SNX10: variants seen among roughly 807,000 people sequenced by gnomAD.
The protein encoded by SNX10 is sorting nexin-10.
SNX10 carries 25 observed loss-of-function variants against 28.5 expected under a neutral mutation model. The observed-to-expected ratio is 0.88, with a 90% CI of 0.64 to 1.22. SNX10 has a LOEUF of 1.22. SNX10 is among the 50% of genes most tolerant of loss of function. The probability of loss-of-function intolerance (pLI) is 0.00; values close to 1 mark genes in which losing one functional copy is unlikely to be tolerated. For missense variants in SNX10, 223 were observed against 242.6 expected (o/e 0.92, Z 0.54); for synonymous variants, 62 against 81.4 (o/e 0.76, Z 1.28).
Position 26,305,593 on chromosome 7 carries a change from G to A in SNX10, c.-24+13507G>A, listed in dbSNP as rs190065166. ...GGGTCTCTTCATCAGCTTGTCTGCA[G>A]ATGATCAGACCCTGAGAAACTGAGC... On this transcript the variant is annotated intron_variant, in intron 1 of 6. Coordinates refer to ENST00000338523, the MANE Select transcript of SNX10 (RefSeq NM_013322.3). Among the ~76,000 whole-genome samples, 235 of 152,296 alleles carry A rather than the reference G, an allele frequency of 1.5e-3. 2 individuals carry two copies. The highest frequency in any genetic ancestry group is 5.5e-3 in the African/African-American group (229 of 41,544).
chr7:26,338,465 G>A (rs1173212748), intron 1 of SNX10, among the ~76,000 whole-genome samples: 1 of 151,554 alleles, frequency 6.6e-6, no homozygotes, highest in African/African-American at 2.4e-5. Context: ...TCGCTCTGTT[G>A]CCCAGGCCTG....
intron 2 of SNX10, among the ~76,000 whole-genome samples, chr7:26,359,139 C>T (rs2128020560): frequency 6.6e-6 from 1 of 152,136 alleles, no homozygotes; most frequent in East Asian, 1.9e-4. Context: ...TTTAAAAATA[C>T]ACAATGAAAA....
chr7:26,346,146 C>T (rs1788378494), intron 1 of SNX10, among the ~76,000 whole-genome samples: 1 of 152,200 alleles, frequency 6.6e-6, no homozygotes, highest in African/African-American at 2.4e-5. Context: ...GCTCCAGCCC[C>T]AGCCTGACTG....
intron 2 of SNX10, among the ~76,000 whole-genome samples, chr7:26,359,026 G>A (rs998296933): frequency 6.6e-6 from 1 of 151,690 alleles, no homozygotes; most frequent in African/African-American, 2.4e-5. Context: ...GGCTGGTCTC[G>A]AACACCCGAC....
chr7:26,329,412 A>T (rs556222920), intron 1 of SNX10, among the ~76,000 whole-genome samples: 1 of 152,230 alleles, frequency 6.6e-6, no homozygotes, highest in Non-Finnish European at 1.5e-5. Context: ...GACCACCCAC[A>T]TATGAAGTAG....
chr7:26,356,859 A>T (rs1394300121), intron 2 of SNX10: 1 of 184,516 alleles, frequency 5.4e-6, no homozygotes, highest in African/African-American at 2.3e-5. Context: ...CCTTAGAGGA[A>T]GGGGTTTGTT....
rs1789208988 is a variant in SNX10 at position 26,364,445 on chromosome 7, G to GT, written c.112-89dup. On this transcript the variant is annotated intron_variant, in intron 3 of 6. Transcript: ENST00000338523. This position sits in a 1 kb window ranked among gnomAD's most constrained non-coding sequence, Gnocchi z 4.9. ...TTTGGTGGTTTAAATCCTATTTAGAGTGAATGTTGAGATCATATTGTGAAT... is the reference window on the plus strand; with the variant it reads ...TTTGGTGGTTTAAATCCTATTTAGAGTTGAATGTTGAGATCATATTGTGAAT... 6.8e-7 allele frequency: 1 copy of GT among 1,464,706 alleles called. No homozygotes were observed. Among genetic ancestry groups the GT allele is most frequent in the Admixed American group, 2.5e-5 (1 of 40,410 alleles). The allele number at this position is 1,464,706 out of a possible 1,614,324, so 90.7% of individuals were successfully genotyped here.
At chr7:26,324,314 G>T (rs1351953323) in intron 1 of SNX10, among the ~76,000 whole-genome samples, 3 of 152,178 alleles carry the variant, frequency 2.0e-5, no homozygotes, top group Non-Finnish European at 4.4e-5. Context: ...ATTGTTCATT[G>T]TGGTGGTTTA....
intron 1 of SNX10, among the ~76,000 whole-genome samples, chr7:26,299,321 G>A (rs970846516): frequency 6.6e-6 from 1 of 151,976 alleles, no homozygotes; most frequent in African/African-American, 2.4e-5. Flanking sequence ...TCAGCCTCCT[G>A]AGTAGCTGGG....
At chr7:26,359,905 C>T (rs1788999052) in intron 2 of SNX10, among the ~76,000 whole-genome samples, 1 of 152,182 alleles carries the variant, frequency 6.6e-6, no homozygotes, top group South Asian at 2.1e-4. Context: ...ATCTGCCCGC[C>T]TCGGCCTCCC....
At chr7:26,363,471 G>A (rs1789164782) in intron 3 of SNX10, among the ~76,000 whole-genome samples, 1 of 152,122 alleles carries the variant, frequency 6.6e-6, no homozygotes, top group Non-Finnish European at 1.5e-5. Context: ...TTCTCATTTA[G>A]ATTAGAAAAT....
At chr7:26,294,008 A>C (rs574110653) in intron 1 of SNX10, among the ~76,000 whole-genome samples, 1 of 152,276 alleles carries the variant, frequency 6.6e-6, no homozygotes, top group East Asian at 1.9e-4. Flanking sequence ...GTTACTGGGG[A>C]AAATAACTTC....
intron 2 of SNX10, among the ~76,000 whole-genome samples, chr7:26,359,090 GC>G (rs1347369217): frequency 6.6e-6 from 1 of 152,030 alleles, no homozygotes; most frequent in Non-Finnish European, 1.5e-5. Flanking sequence ...ACAGGTGTGA[GC>G]CCTGCCTATC....
intron 1 of SNX10, among the ~76,000 whole-genome samples, chr7:26,322,338 T>C (rs1480275917): frequency 2.0e-5 from 3 of 152,062 alleles, no homozygotes; most frequent in Non-Finnish European, 1.5e-5. Context: ...CCCAAACCTA[T>C]CAGATCTACT....
chr7:26,363,479 A>G (rs1440175438), intron 3 of SNX10, among the ~76,000 whole-genome samples: 1 of 152,232 alleles, frequency 6.6e-6, no homozygotes, highest in Non-Finnish European at 1.5e-5. Context: ...TAGATTAGAA[A>G]ATCGGATTTT....
Position 26,306,123 on chromosome 7 carries a change from C to T in SNX10, c.-24+14037C>T, listed in dbSNP as rs535498312. Among the ~76,000 whole-genome samples, 10 of 151,140 alleles carry T rather than the reference C, an allele frequency of 6.6e-5. No homozygotes were observed. The South Asian group carries it at 2.1e-3, about 31-fold the overall frequency. ...TTCGCCAGGTTGGCCAGGCTGGTCTCGAACTCCTGAGCTGAAGCGATCCAC... is the reference window on the plus strand; with the variant it reads ...TTCGCCAGGTTGGCCAGGCTGGTCTTGAACTCCTGAGCTGAAGCGATCCAC... On this transcript the variant is annotated intron_variant, in intron 1 of 6. Transcript: ENST00000338523.
intron 1 of SNX10, among the ~76,000 whole-genome samples, chr7:26,321,771 A>G (rs1452757755): frequency 6.8e-6 from 1 of 147,292 alleles, no homozygotes; most frequent in Admixed American, 6.8e-5. Flanking sequence ...TTTTCACTTT[A>G]CCAGTTTTTT....
rs1786149601 is a variant in SNX10, at chr7:26,297,321, C to T, written c.-24+5235C>T. On this transcript the variant is annotated intron_variant, in intron 1 of 6. Transcript: ENST00000338523. ...GTCTTGGCCAGGCTGGTCTTGAACT[C>T]CTGACCTCGTGACCCGCCCGTCTCG... Among the ~76,000 whole-genome samples the T allele has an allele frequency of 2.0e-5, 3 of 152,160 alleles. No individual in the cohort carries two copies. In the South Asian group the frequency reaches 6.2e-4, roughly 31 times the overall value.
At chr7:26,322,975 C>T (rs984568918) in intron 1 of SNX10, among the ~76,000 whole-genome samples, 17 of 152,254 alleles carry the variant, frequency 1.1e-4, no homozygotes, top group Admixed American at 3.3e-4. Context: ...GGACCGGGTA[C>T]GGTGGCTCAT....
Sources: gnomAD v4.1 joint callset for allele counts (sites outside exome capture counted in the v4.1 genomes callset) on GRCh38, gnomAD v4.1.1 for gene constraint, Gnocchi (gnomAD v3.1) non-coding constraint, MANE v1.5 for transcripts, NCBI Gene and HGNC (gene_info 2026-07-23, HGNC 2026-07-21) for gene names.